PARD3B: variants seen among roughly 807,000 people sequenced by gnomAD.
The protein encoded by PARD3B is partitioning defective 3 homolog B.
In PARD3B, 103 loss-of-function variants were observed where a neutral mutation model predicts 130.2. The observed-to-expected ratio is 0.79, with a 90% confidence interval of 0.67 to 0.93. The LOEUF (loss-of-function observed/expected upper bound fraction) is 0.93. Ranked by LOEUF, PARD3B falls within the 40% of genes least tolerant of loss-of-function variation. PARD3B has a pLI of 0.00. For missense variants in PARD3B, 1,609 were observed against 1,499.2 expected, an observed-to-expected ratio of 1.07 and a Z score of -1.21; for synonymous variants, 583 against 553.2, an observed-to-expected ratio of 1.05 and a Z score of -0.76.
chr2:205,504,956 C>T (rs998395250), intron 21 of PARD3B, among the ~76,000 whole-genome samples: 9 of 152,120 alleles, frequency 5.9e-5, no homozygotes, highest in African/African-American at 1.7e-4. Flanking sequence ...TTTATTGTGG[C>T]ACTATTCACA....
intron 18 of PARD3B, among the ~76,000 whole-genome samples, chr2:205,365,788 C>T (rs2044586178): frequency 6.6e-6 from 1 of 152,094 alleles, no homozygotes; most frequent in Non-Finnish European, 1.5e-5. Flanking sequence ...TTATTATTCA[C>T]ACTGATGAAT....
intron 2 of PARD3B, among the ~76,000 whole-genome samples, chr2:204,717,833 C>CT (rs1235889687): frequency 1.7e-4 from 26 of 152,142 alleles, no homozygotes; most frequent in Non-Finnish European, 8.8e-5. Context: ...GATGTGGCTG[C>CT]TTGTCAGTCA....
At chr2:204,747,200 G>A (rs529849711) in intron 2 of PARD3B, among the ~76,000 whole-genome samples, 63 of 152,110 alleles carry the variant, frequency 4.1e-4, no homozygotes, top group African/African-American at 1.4e-3. Flanking sequence ...CCACATGGCT[G>A]GCCAGTTTTC....
intron 2 of PARD3B, among the ~76,000 whole-genome samples, chr2:204,901,573 T>A (rs1559242007): frequency 2.0e-5 from 3 of 151,642 alleles, no homozygotes; most frequent in African/African-American, 7.3e-5. Context: ...AGAATCTACT[T>A]GGTGCTCTAC....
intron 15 of PARD3B, among the ~76,000 whole-genome samples, chr2:205,240,916 T>C (rs1559577267): frequency 6.6e-6 from 1 of 152,212 alleles, no homozygotes; most frequent in African/African-American, 2.4e-5. Flanking sequence ...GAAGCCAATG[T>C]GTGTAAGTAT....
At chr2:205,310,086 T>C (rs2042324899) in intron 18 of PARD3B, among the ~76,000 whole-genome samples, 2 of 112,624 alleles carry the variant, frequency 1.8e-5, no homozygotes, top group Non-Finnish European at 1.9e-5. Flanking sequence ...ATCTACTCTT[T>C]TTTTTTTTTT....
intron 5 of PARD3B, among the ~76,000 whole-genome samples, chr2:205,108,330 C>T (rs994703326): frequency 1.6e-4 from 25 of 152,140 alleles, no homozygotes; most frequent in African/African-American, 5.1e-4. Context: ...ATTCTAGAAC[C>T]TGTAGTGACT....
intron 1 of PARD3B, among the ~76,000 whole-genome samples, chr2:204,670,005 G>T (rs372242079): frequency 6.6e-6 from 1 of 152,138 alleles, no homozygotes; most frequent in African/African-American, 2.4e-5. Flanking sequence ...GTCAAAAGAT[G>T]ATTCTGAAGT....
At chr2:204,692,329 C>A (rs934884638) in intron 2 of PARD3B, among the ~76,000 whole-genome samples, 1 of 151,974 alleles carries the variant, frequency 6.6e-6, no homozygotes, top group Non-Finnish European at 1.5e-5. Flanking sequence ...TATAAAAACT[C>A]CTCTTTTAAA....
intron 18 of PARD3B, among the ~76,000 whole-genome samples, chr2:205,334,231 A>G (rs945733275): frequency 7.2e-5 from 11 of 152,208 alleles, no homozygotes; most frequent in Admixed American, 5.2e-4. Flanking sequence ...CATGTGTGCA[A>G]GAGTGTGCTC....
At chr2:205,597,986 A>G (rs185230862) in intron 22 of PARD3B, among the ~76,000 whole-genome samples, 50 of 152,276 alleles carry the variant, frequency 3.3e-4, no homozygotes, top group African/African-American at 1.1e-3. Context: ...AAACAAAAGA[A>G]TGATGCCTGC....
intron 2 of PARD3B, among the ~76,000 whole-genome samples, chr2:204,953,511 G>C (rs1234457249): frequency 6.7e-6 from 1 of 149,782 alleles, no homozygotes; most frequent in Admixed American, 6.6e-5. Context: ...TTGAAGTTTT[G>C]TTCACTTTTT....
At chr2:204,627,532 CCTT>C (rs1218535697) in intron 1 of PARD3B, among the ~76,000 whole-genome samples, 1 of 152,112 alleles carries the variant, frequency 6.6e-6, no homozygotes, top group Non-Finnish European at 1.5e-5. Context: ...GAATCAGTTT[CCTT>C]CTCCCAAAAA....
At chr2:205,209,955 C>G (rs79651939) in intron 15 of PARD3B, among the ~76,000 whole-genome samples, 2,189 of 152,120 alleles carry the variant, frequency 0.014, 28 homozygotes, top group African/African-American at 0.038. Flanking sequence ...GATGATACCC[C>G]ACTTTCCATG....
intron 20 of PARD3B, among the ~76,000 whole-genome samples, chr2:205,456,777 A>G (rs28849525): frequency 2.0e-5 from 3 of 150,608 alleles, no homozygotes; most frequent in African/African-American, 7.3e-5. Context: ...GTCATAGTAT[A>G]TAATTAAATG....
In PARD3B at chr2:205,437,519, C is replaced by T. The variant is rs376300792; in HGVS notation, c.2742-2851C>T. 4.6e-5 allele frequency among the ~76,000 whole-genome samples: 7 copies of T among 152,236 alleles called. 1 individual carries two copies. In the East Asian group the frequency reaches 7.7e-4, roughly 17 times the overall value. On this transcript the variant is annotated intron_variant, in intron 19 of 22. Transcript: ENST00000406610. ...TGTCCAATATAGTAGTTACTAGCCACATGTAGTTACTGAGCACTTGAAATG... is the reference window on the plus strand; with the variant it reads ...TGTCCAATATAGTAGTTACTAGCCATATGTAGTTACTGAGCACTTGAAATG...
chr2:204,546,267 T>A, intron 1 of PARD3B, 148 bp downstream of exon 1: 1 of 1,154,900 alleles, frequency 8.7e-7, no homozygotes, highest in Non-Finnish European at 1.2e-6. Flanking sequence ...CTAATATCAG[T>A]GATGTGGGTG....
chr2:204,713,924 G>C (rs1160517893), intron 2 of PARD3B, among the ~76,000 whole-genome samples: 2 of 152,204 alleles, frequency 1.3e-5, no homozygotes, highest in East Asian at 3.9e-4. Flanking sequence ...AGGTCTAGAT[G>C]GTAGTTGTGC....
chr2:205,036,752 C>T (rs1160289840), intron 3 of PARD3B, among the ~76,000 whole-genome samples: 3 of 146,048 alleles, frequency 2.1e-5, no homozygotes, highest in East Asian at 2.0e-4. Context: ...AATATATATA[C>T]ACAGCGGACT....
Sources: gnomAD v4.1 joint callset for allele counts (sites outside exome capture counted in the v4.1 genomes callset) on GRCh38, gnomAD v4.1.1 for gene constraint, MANE v1.5 for transcripts, NCBI Gene and HGNC (gene_info 2026-07-23, HGNC 2026-07-21) for gene names.